The following ADD1 variants were observed in gnomAD, a reference collection of about 807,000 sequenced individuals.
ADD1 encodes adducin 1.
A neutral mutation model predicts 80.5 loss-of-function variants in ADD1; 24 were observed. That is an observed-to-expected ratio of 0.30 (90% confidence interval 0.22 to 0.42). ADD1 has a LOEUF of 0.42. ADD1 is among the 10% of genes least tolerant of loss of function. The probability of loss-of-function intolerance (pLI) is 1.00; values close to 1 mark genes in which losing one functional copy is unlikely to be tolerated. For synonymous variants in ADD1, 373 were observed against 393.8 expected, an observed-to-expected ratio of 0.95 and a Z score of 0.63; for missense variants, 948 against 1,019.0, an observed-to-expected ratio of 0.93 and a Z score of 0.95.
chr4:2,893,207 G>C (rs545077129), intron 4 of ADD1, among the ~76,000 whole-genome samples: 39 of 152,080 alleles, frequency 2.6e-4, no homozygotes, highest in African/African-American at 8.7e-4. Flanking sequence ...GGGATTACAG[G>C]CTTGAGCCAC....
At chr4:2,867,921 T>G (rs573947918) in intron 1 of ADD1, 2 of 152,210 alleles carry the variant, frequency 1.3e-5, no homozygotes, top group Admixed American at 1.3e-4. Flanking sequence ...AAAAAATGAG[T>G]TAAAACACAC....
At chr4:2,862,315 C>G (rs1728934911) in intron 1 of ADD1, among the ~76,000 whole-genome samples, 1 of 152,214 alleles carries the variant, frequency 6.6e-6, no homozygotes, top group Admixed American at 6.5e-5. Flanking sequence ...GAGGTTCAAA[C>G]CAGGGTTTTA....
At position 2,876,242 on chromosome 4, in the gene ADD1, A is replaced by G. The variant is rs1731274439; in HGVS notation, c.195+132A>G. On this transcript the variant is annotated intron_variant, in intron 2 of 15. Transcript: ENST00000683351. ...GGAAATCAGTGCCTTGAGTATACGT[A>G]TATGGTTGTTGAAAGAATTCAGTTC... 4 of 782,502 alleles carry G rather than the reference A, an allele frequency of 5.1e-6. No individual in the cohort carries two copies. The East Asian group carries it at 8.5e-5, about 17-fold the overall frequency. The allele number at this position is 782,502 out of a possible 1,614,324, so 48.5% of individuals were successfully genotyped here. A position where few individuals can be genotyped will look rare whatever the true frequency, so the allele number is the denominator to read the frequency against.
Position 2,876,012 on chromosome 4 carries a change from C to G in ADD1, c.97C>G (p.Pro33Ala). 1.2e-6 allele frequency: 2 copies of G among 1,614,082 alleles called. No homozygotes were observed. Among genetic ancestry groups the G allele is most frequent in the Non-Finnish European group, 1.7e-6 (2 of 1,179,988 alleles). Reference protein sequence around the residue: ...RYFDRVDENNPEYLRERNMAP... With the variant: ...RYFDRVDENNAEYLRERNMAP... ...CTTCGACCGAGTAGATGAGAACAAC[C>G]CAGAGTACTTGAGGGAGAGGAACAT... Residue 33 changes from proline (P) to alanine (A), a missense_variant, in exon 2 of 16, where the codon CCA (proline) becomes GCA (alanine). By Grantham distance (27) the Pro-to-Ala change is conservative. Coordinates refer to ENST00000683351, the MANE Select transcript of ADD1 (RefSeq NM_001354761.2).
At position 2,928,367 on chromosome 4, in the gene ADD1, C is replaced by T; in HGVS notation, c.2244C>T (p.Ala748=). The change falls in exon 16 of 16, where the codon GCC becomes GCT. Residue 748 remains alanine, a synonymous_variant. Transcript: ENST00000683351. ...EASPEPAPDP[A]PVAEEAAPSA... The stretch of plus-strand genomic sequence containing the variant: ...GCCCCGAGCCAGCCCCAGACCCAGC[C>T]CCGGTGGCTGAAGAGGCTGCCCCCT... 1 of 1,613,562 alleles carries T rather than the reference C, an allele frequency of 6.2e-7. No homozygotes were observed. Among genetic ancestry groups the T allele is most frequent in the Non-Finnish European group, 8.5e-7 (1 of 1,179,900 alleles).
chr4:2,912,416 C>T (rs915580647), intron 13 of ADD1, among the ~76,000 whole-genome samples: 38 of 152,340 alleles, frequency 2.5e-4, no homozygotes, highest in Admixed American at 1.7e-3. Flanking sequence ...GGACCTGCTG[C>T]GCTGTGCCTC....
intron 4 of ADD1, among the ~76,000 whole-genome samples, chr4:2,888,400 A>AATT (rs34400467): frequency 0.16 from 21,814 of 139,832 alleles, 1,808 homozygotes; most frequent in Middle Eastern, 0.26. Context: ...GTAATAATGA[A>AATT]ATTATTATTA....
intron 1 of ADD1, among the ~76,000 whole-genome samples, chr4:2,865,551 G>C (rs950608089): frequency 1.3e-5 from 2 of 152,128 alleles, no homozygotes; most frequent in African/African-American, 2.4e-5. Flanking sequence ...TTGTCTTTCA[G>C]ATAAAACAAC....
chr4:2,914,800 C>T lies in ADD1; in HGVS notation c.1792-84C>T, dbSNP rs149999176. ...CTGCTCCTGGAAAGCCTCCTGCCCC[C>T]GCCCTGCCTGCAGCCTGCCTGGGAG... On this transcript the variant is annotated intron_variant, in intron 13 of 15. Coordinates refer to ENST00000683351, the MANE Select transcript of ADD1 (RefSeq NM_001354761.2). The T allele has an allele frequency of 6.5e-5, 97 of 1,497,544 alleles. No homozygotes were observed. The African/African-American group carries it at 7.4e-4, about 11-fold the overall frequency. The allele number at this position is 1,497,544 out of a possible 1,614,324, so 92.8% of individuals were successfully genotyped here. A position where few individuals can be genotyped will look rare whatever the true frequency, so the allele number is the denominator to read the frequency against.
In ADD1 at chr4:2,926,378, T is replaced by C. The variant is rs1711626389; in HGVS notation, c.2047+266T>C. 2.9e-6 allele frequency: 2 copies of C among 701,636 alleles called. No individual in the cohort carries two copies. The highest frequency in any genetic ancestry group is 1.7e-5 in the African/African-American group (1 of 57,210). The allele number at this position is 701,636 out of a possible 1,614,324, so 43.5% of individuals were successfully genotyped here. A position where few individuals can be genotyped will look rare whatever the true frequency, so the allele number is the denominator to read the frequency against. On this transcript the variant is annotated intron_variant, in intron 15 of 15. Transcript: ENST00000683351. This position sits in a 1 kb window ranked among gnomAD's most constrained non-coding sequence, Gnocchi z 5.0. ...GGTTGCTGGTGTCCACGTTGCCCAT[T>C]GCTCGCACACTCCTCGTGCCGTGTT...
At chr4:2,852,696 CT>C (rs1312991635) in intron 1 of ADD1, among the ~76,000 whole-genome samples, 154 of 118,738 alleles carry the variant, frequency 1.3e-3, no homozygotes, top group Admixed American at 2.8e-3. Context: ...CAGGAAATAT[CT>C]TTTTTTTTTT....
intron 4 of ADD1, among the ~76,000 whole-genome samples, chr4:2,892,943 G>A (rs1222708060): frequency 2.6e-5 from 4 of 151,768 alleles, no homozygotes; most frequent in Non-Finnish European, 5.9e-5. Flanking sequence ...TTGAGACAGG[G>A]TCTTGTCTGT....
intron 4 of ADD1, among the ~76,000 whole-genome samples, chr4:2,889,813 C>G (rs1733996948): frequency 6.6e-6 from 1 of 151,594 alleles, no homozygotes; most frequent in Non-Finnish European, 1.5e-5. Flanking sequence ...CAGAGTGAGA[C>G]CCTGTCTCAG....
chr4:2,922,841 A>T (rs1178063394), intron 14 of ADD1, among the ~76,000 whole-genome samples: 2 of 152,208 alleles, frequency 1.3e-5, no homozygotes, highest in African/African-American at 4.8e-5. Context: ...CCGCCCAGGG[A>T]GGAGGAATCT....
rs745933841 is a variant in ADD1, at chr4:2,881,908, A to C, written c.206A>C (p.Glu69Ala). ...AATATTTTTTATTAGGCTTTCTGTG[A>C]AGAATTGGAATCAATGATACAGGAG... Reference protein sequence around the residue: ...SMILQSPAFCEELESMIQEQF... With the variant: ...SMILQSPAFCAELESMIQEQF... Residue 69 changes from glutamate to alanine, a missense_variant, in exon 3 of 16, where the codon GAA (glutamate) becomes GCA (alanine). Physicochemically the swap from Glu to Ala is moderately radical, Grantham distance 107. Coordinates refer to ENST00000683351, the MANE Select transcript of ADD1 (RefSeq NM_001354761.2). The C allele has an allele frequency of 7.5e-6, 12 of 1,591,740 alleles. No individual in the cohort carries two copies. The South Asian group carries it at 1.4e-4, about 18-fold the overall frequency.
chr4:2,908,760 C>T (rs931267385), intron 12 of ADD1, 156 bp downstream of exon 12: 15 of 674,784 alleles, frequency 2.2e-5, no homozygotes, highest in African/African-American at 1.8e-4. Flanking sequence ...ACGGTTCAGG[C>T]ACTTTTCGTT....
chr4:2,901,856 C>CCG (rs530795039), intron 9 of ADD1: 2 of 149,524 alleles, frequency 1.3e-5, no homozygotes, highest in African/African-American at 4.9e-5. Flanking sequence ...TTGTCCCCCC[C>CCG]CCAAAAAAAA....
chr4:2,909,824 C>T (rs570256480), intron 13 of ADD1, among the ~76,000 whole-genome samples: 75 of 151,894 alleles, frequency 4.9e-4, no homozygotes, highest in African/African-American at 1.7e-3. Flanking sequence ...CCCGAGTGCC[C>T]TTCCACCCTC....
chr4:2,877,851 C>T (rs552953144), intron 2 of ADD1, among the ~76,000 whole-genome samples: 35 of 152,260 alleles, frequency 2.3e-4, no homozygotes, highest in East Asian at 1.5e-3. Context: ...TGGCATGCCC[C>T]GGCAATCCCA....
Sources: gnomAD v4.1 joint callset for allele counts (sites outside exome capture counted in the v4.1 genomes callset) on GRCh38, gnomAD v4.1.1 for gene constraint, Gnocchi (gnomAD v3.1) non-coding constraint, MANE v1.5 for transcripts, NCBI Gene and HGNC (gene_info 2026-07-23, HGNC 2026-07-21) for gene names.